Variants in ANKFN1 observed in about 807,000 individuals in gnomAD.
The protein encoded by ANKFN1 is ankyrin repeat and fibronectin type-III domain-containing protein 1.
ANKFN1 carries 74 observed loss-of-function variants against 108.7 expected under a neutral mutation model. The ratio of observed to expected loss-of-function variants is 0.68; its 90% confidence interval spans 0.56 to 0.83. ANKFN1 has a LOEUF of 0.83. Among genes scored for constraint, ANKFN1 ranks in the 40% least tolerant of loss-of-function variants. The pLI is 0.00. For synonymous variants in ANKFN1, 547 were observed against 516.2 expected, an observed-to-expected ratio of 1.06 and a Z score of -0.81; for missense variants, 1,505 against 1,382.3, an observed-to-expected ratio of 1.09 and a Z score of -1.41.
intron 7 of ANKFN1, 121 bp downstream of exon 7, chr17:56,372,961 C>T: frequency 1.0e-6 from 1 of 998,628 alleles, no homozygotes; most frequent in Non-Finnish European, 1.4e-6. Flanking sequence ...CGTTGTCAGC[C>T]TGTATGGAGC....
intron 18 of ANKFN1, among the ~76,000 whole-genome samples, chr17:56,487,525 CA>C (rs528515094): frequency 8.1e-4 from 113 of 138,860 alleles, no homozygotes; most frequent in Admixed American, 1.6e-3. Context: ...ACTAGAAAGA[CA>C]AAAAAAAAAA....
intron 3 of ANKFN1, among the ~76,000 whole-genome samples, chr17:56,315,482 G>C (rs954832389): frequency 6.6e-6 from 1 of 152,218 alleles, no homozygotes; most frequent in African/African-American, 2.4e-5. Flanking sequence ...AGCCCAGACA[G>C]AAGGTGCCTG....
intron 4 of ANKFN1, among the ~76,000 whole-genome samples, chr17:56,147,834 A>G (rs1406862095): frequency 6.6e-6 from 1 of 152,212 alleles, no homozygotes; most frequent in Non-Finnish European, 1.5e-5. Context: ...GGTTATGGGA[A>G]TGGACTACTT....
At position 56,372,746 on chromosome 17, in the gene ANKFN1, C is replaced by T. The variant is rs372084934; in HGVS notation, c.702C>T (p.Phe234=). ...CTGCCCAGGTGGAGAATGAAGGATT[C>T]ACTCTGGACAACACAGAGAAAGAGA... ...ELSAQVENEG[F]TLDNTEKEKQ... is the part of the protein sequence containing the mutation. The change falls in exon 7 of 21, where the codon TTC becomes TTT. Residue 234 remains phenylalanine (F), a synonymous_variant. Coordinates refer to ENST00000682825, the MANE Select transcript of ANKFN1 (RefSeq NM_001370326.1). 6.2e-7 allele frequency: 1 copy of T among 1,614,000 alleles called. No individual in the cohort carries two copies. The highest frequency in any genetic ancestry group is 8.5e-7 in the Non-Finnish European group (1 of 1,179,964).
intron 8 of ANKFN1, among the ~76,000 whole-genome samples, chr17:56,396,539 T>TG (rs1427978384): frequency 6.6e-6 from 1 of 152,110 alleles, no homozygotes; most frequent in Non-Finnish European, 1.5e-5. Flanking sequence ...AAGAAACTTC[T>TG]GGTTTTTTTT....
intron 4 of ANKFN1, among the ~76,000 whole-genome samples, chr17:56,134,455 G>A (rs1334453073): frequency 4.6e-5 from 7 of 152,098 alleles, no homozygotes; most frequent in South Asian, 2.1e-4. Flanking sequence ...TCTGGTGACC[G>A]GCCCCTATCC....
At chr17:56,340,783 C>T (rs1010242662) in intron 4 of ANKFN1, among the ~76,000 whole-genome samples, 9 of 152,036 alleles carry the variant, frequency 5.9e-5, no homozygotes, top group South Asian at 4.2e-4. Flanking sequence ...CTTGACTATT[C>T]GGGCTCTTTT....
intron 3 of ANKFN1, among the ~76,000 whole-genome samples, chr17:56,318,846 C>T (rs1035185532): frequency 1.3e-5 from 2 of 152,160 alleles, no homozygotes; most frequent in Admixed American, 6.5e-5. Flanking sequence ...ATGATCTGTT[C>T]CCAAGTATCT....
intron 4 of ANKFN1, among the ~76,000 whole-genome samples, chr17:56,071,229 G>A (rs1162536829): frequency 6.6e-6 from 1 of 151,912 alleles, no homozygotes; most frequent in East Asian, 1.9e-4. Flanking sequence ...TTTTCATTTT[G>A]CACCCATTTC....
At chr17:56,332,342 C>G (rs1052586284) in intron 4 of ANKFN1, among the ~76,000 whole-genome samples, 1 of 152,142 alleles carries the variant, frequency 6.6e-6, no homozygotes, top group African/African-American at 2.4e-5. Flanking sequence ...CTACTCTTCC[C>G]ATTTTGGACC....
At chr17:56,357,683 C>A (rs890715277) in intron 6 of ANKFN1, among the ~76,000 whole-genome samples, 1 of 152,114 alleles carries the variant, frequency 6.6e-6, no homozygotes, top group Non-Finnish European at 1.5e-5. Context: ...TGCTTCTGTA[C>A]GTGAGTTTGA....
chr17:56,149,610 G>A (rs1311695260), upstream of ANKFN1, among the ~76,000 whole-genome samples: 1 of 152,292 alleles, frequency 6.6e-6, no homozygotes, highest in East Asian at 1.9e-4. Context: ...CTTTACAGGT[G>A]GTCACAGGTA....
intron 16 of ANKFN1, among the ~76,000 whole-genome samples, chr17:56,478,789 C>A (rs1394050556): frequency 2.6e-5 from 4 of 152,118 alleles, no homozygotes; most frequent in South Asian, 2.1e-4. Flanking sequence ...TAGATACTCC[C>A]AAAGAGTATA....
intron 4 of ANKFN1, among the ~76,000 whole-genome samples, chr17:56,107,464 C>T (rs1408576494): frequency 6.6e-6 from 1 of 152,128 alleles, no homozygotes; most frequent in Non-Finnish European, 1.5e-5. Flanking sequence ...TGAGTGAAGG[C>T]AGAGCAATTA....
At chr17:56,225,795 G>A (rs1916224324) in intron 2 of ANKFN1, among the ~76,000 whole-genome samples, 1 of 152,190 alleles carries the variant, frequency 6.6e-6, no homozygotes, top group Non-Finnish European at 1.5e-5. Flanking sequence ...CAAGAAAAAT[G>A]ATCAGTAACA....
At chr17:56,432,306 G>T (rs958450934) in intron 8 of ANKFN1, among the ~76,000 whole-genome samples, 3 of 152,180 alleles carry the variant, frequency 2.0e-5, no homozygotes, top group African/African-American at 7.2e-5. Flanking sequence ...AGAGAAAGTA[G>T]AAGAGTTTGT....
At chr17:56,377,545 C>A (rs1030274169) in intron 8 of ANKFN1, among the ~76,000 whole-genome samples, 2 of 152,194 alleles carry the variant, frequency 1.3e-5, no homozygotes, top group African/African-American at 4.8e-5. Flanking sequence ...AGGCTTGCAT[C>A]TTTTAGTCTC....
rs756855525 is a variant in ANKFN1, at chr17:56,272,133, A to G, written c.53+44176A>G. ...ATCCAAAAATTGCATTTATTTTTCT[A>G]TTTTTTATTACGGTATAATACCTTT... On this transcript the variant is annotated intron_variant, in intron 3 of 20. Transcript: ENST00000682825. Among the ~76,000 whole-genome samples, 13 of 152,164 alleles carry G rather than the reference A, an allele frequency of 8.5e-5. 1 individual carries two copies. Among genetic ancestry groups the G allele is most frequent in the Non-Finnish European group, 1.6e-4 (11 of 68,024 alleles).
intron 3 of ANKFN1, among the ~76,000 whole-genome samples, chr17:56,322,099 C>G (rs1001602215): frequency 6.6e-6 from 1 of 152,160 alleles, no homozygotes; most frequent in African/African-American, 2.4e-5. Flanking sequence ...ATTGACATGA[C>G]TCCAAGGACT....
Sources: gnomAD v4.1 joint callset for allele counts (sites outside exome capture counted in the v4.1 genomes callset) on GRCh38, gnomAD v4.1.1 for gene constraint, MANE v1.5 for transcripts, NCBI Gene and HGNC (gene_info 2026-07-23, HGNC 2026-07-21) for gene names.